Variants in EPS8L3 observed in about 807,000 individuals in gnomAD.
EPS8L3 encodes EPS8 signaling adaptor L3, also known as epidermal growth factor receptor kinase substrate 8-like protein 3.
Under a neutral mutation model 88.5 loss-of-function variants are expected in EPS8L3, and 80 were observed. The observed-to-expected ratio is 0.90, with a 90% CI of 0.75 to 1.09. The LOEUF is 1.09. Among genes scored for constraint, EPS8L3 ranks in the 50% least tolerant of loss-of-function variants. EPS8L3 has a pLI of 0.00. For missense variants in EPS8L3, 721 were observed against 735.2 expected, an observed-to-expected ratio of 0.98 and a Z score of 0.22; for synonymous variants, 286 against 291.0, an observed-to-expected ratio of 0.98 and a Z score of 0.18.
chr1:109,752,023 A>G lies in EPS8L3; in HGVS notation c.1406T>C (p.Leu469Pro). The G allele has an allele frequency of 6.2e-7, 1 of 1,611,984 alleles. No individual in the cohort carries two copies. Among genetic ancestry groups the G allele is most frequent in the South Asian group, 1.1e-5 (1 of 90,818 alleles). ...YEFEARNPRE[L>P]TVVQGEKLEV... ...CAGCTTCTCTCCCTGGACCACAGTC[A>G]GTTCCCGTGGGTTCCTAGCTTCAAA... The change falls in exon 15 of 19, where the codon CTG becomes CCG. Residue 469 changes from leucine (L) to proline (P), a missense_variant. Transcript: ENST00000361965.
Position 109,758,719 on chromosome 1 carries a change from C to T in EPS8L3, c.462-56G>A, listed in dbSNP as rs994539985. 8 of 1,514,962 alleles carry T rather than the reference C, an allele frequency of 5.3e-6. No individual in the cohort carries two copies. In the East Asian group the frequency reaches 1.6e-4, roughly 30 times the overall value. The allele number at this position is 1,514,962 out of a possible 1,614,324, so 93.8% of individuals were successfully genotyped here. The stretch of plus-strand genomic sequence containing the variant: ...TGACAAGGTTCTTTGGAGAGAGGCC[C>T]TCCCCACAATTCTGCTCCAGGACCC... On this transcript the variant is annotated intron_variant, in intron 6 of 18. Coordinates refer to ENST00000361965, the MANE Select transcript of EPS8L3 (RefSeq NM_133181.4).
chr1:109,758,260 C>T (rs1474179742), intron 8 of EPS8L3, 56 bp downstream of exon 8: 25 of 1,521,322 alleles, frequency 1.6e-5, no homozygotes, highest in Non-Finnish European at 2.3e-5. Context: ...GGGTTGGTGT[C>T]CTTCCTTTTC....
chr1:109,760,590 C>T (rs1310593802), intron 3 of EPS8L3, among the ~76,000 whole-genome samples: 2 of 151,936 alleles, frequency 1.3e-5, no homozygotes, highest in Admixed American at 1.3e-4. Flanking sequence ...CAAACTCCAT[C>T]CTCCTCTTGC....
chr1:109,762,581 C>T (rs1651094996), intron 1 of EPS8L3, among the ~76,000 whole-genome samples: 1 of 152,076 alleles, frequency 6.6e-6, no homozygotes, highest in South Asian at 2.1e-4. Flanking sequence ...GTGCTGAGCC[C>T]CTTACCAACA....
rs768206990 is a variant in EPS8L3 at position 109,757,970 on chromosome 1, A to T, written c.806T>A (p.Phe269Tyr). ...AQAKTSRKKK[F>Y]GKKNKDQGGL... Reference sequence around the variant, plus strand: ...TCCCTGGTCCTTGTTTTTTTTCCCAAATTTCTTCTTCCTGCTGGTCTTTGC... The same window carrying T: ...TCCCTGGTCCTTGTTTTTTTTCCCATATTTCTTCTTCCTGCTGGTCTTTGC... The change falls in exon 9 of 19, where the codon TTT (phenylalanine) becomes TAT (tyrosine). Residue 269 changes from phenylalanine to tyrosine, a missense_variant. By Grantham distance (22) the Phe-to-Tyr change is conservative. Coordinates refer to ENST00000361965, the MANE Select transcript of EPS8L3 (RefSeq NM_133181.4). 2.5e-6 allele frequency: 4 copies of T among 1,613,926 alleles called. No individual in the cohort carries two copies. Among genetic ancestry groups the T allele is most frequent in the Non-Finnish European group, 3.4e-6 (4 of 1,179,944 alleles).
Position 109,752,687 on chromosome 1 carries a change from G to A in EPS8L3, c.1234C>T (p.Arg412Trp), listed in dbSNP as rs765310409. The change falls in exon 14 of 19, where the codon CGG becomes TGG. Residue 412 changes from arginine (R) to tryptophan (W), a missense_variant and splice_region_variant. Physicochemically the swap from Arg to Trp is moderately radical, Grantham distance 101. Transcript: ENST00000361965. ...GTCCCTATTAAGCTCAGAGCATACC[G>A]AAGGGAAACAGGGTCCTGGTATCCT... ...PLGYQDPVSL[R>W]RGSHRLGSTS... The A allele has an allele frequency of 7.7e-6, 12 of 1,551,598 alleles. No individual in the cohort carries two copies. The highest frequency in any genetic ancestry group is 3.3e-4 in the Middle Eastern group (2 of 5,980).
At position 109,752,820 on chromosome 1, in the gene EPS8L3, A is replaced by G. The variant is rs1004442334; in HGVS notation, c.1201-100T>C. On this transcript the variant is annotated intron_variant, in intron 13 of 18. Coordinates refer to ENST00000361965, the MANE Select transcript of EPS8L3 (RefSeq NM_133181.4). ...CCACAGGCATAAGCAGCTCACACAC[A>G]GCTGCCTCCTATCCCCTTTCCTGCC... is the stretch of plus-strand genomic sequence containing the variant. The G allele has an allele frequency of 3.7e-6, 4 of 1,078,158 alleles. No individual in the cohort carries two copies. In the East Asian group the frequency reaches 7.7e-5, roughly 21 times the overall value. 66.8% of individuals were successfully genotyped at this position (1,078,158 alleles called of 1,614,324 possible). A position where few individuals can be genotyped will look rare whatever the true frequency, so the allele number is the denominator to read the frequency against.
At position 109,758,605 on chromosome 1, in the gene EPS8L3, T is replaced by G; in HGVS notation, c.520A>C (p.Arg174=). 1 of 1,612,908 alleles carries G rather than the reference T, an allele frequency of 6.2e-7. No individual in the cohort carries two copies. The highest frequency in any genetic ancestry group is 1.1e-5 in the South Asian group (1 of 90,906). ...QDRWRGPAME[R]PLPMEQARYL... ...CGTGCCTGCTCCATAGGGAGCGGCC[T>G]TTCCATAGCAGGCCCCCTCCATCTG... The change falls in exon 7 of 19, where the codon AGG becomes CGG. Residue 174 remains arginine (R), a synonymous_variant. Coordinates refer to ENST00000361965, the MANE Select transcript of EPS8L3 (RefSeq NM_133181.4).
At chr1:109,753,324 G>C in intron 12 of EPS8L3, 126 bp from the exon 13 acceptor site, 1 of 707,824 alleles carries the variant, frequency 1.4e-6, no homozygotes, top group South Asian at 1.9e-5. Flanking sequence ...AGGTGACATG[G>C]TCCATGTGCA....
At position 109,758,629 on chromosome 1, in the gene EPS8L3, T is replaced by C. The variant is rs1378886349; in HGVS notation, c.496A>G (p.Arg166Gly). 6.2e-7 allele frequency: 1 copy of C among 1,604,156 alleles called. No individual in the cohort carries two copies. Among genetic ancestry groups the C allele is most frequent in the Admixed American group, 1.7e-5 (1 of 57,648 alleles). The change falls in exon 7 of 19, where the codon AGA becomes GGA. Residue 166 changes from arginine (R) to glycine (G), a missense_variant. Coordinates refer to ENST00000361965, the MANE Select transcript of EPS8L3 (RefSeq NM_133181.4). ...RLGGLQPGQD[R>G]WRGPAMERPL... ...CTTTCCATAGCAGGCCCCCTCCATCTGTCCTGGCCTGGCTGAAGGCCTCCA... is the reference window on the plus strand; with the variant it reads ...CTTTCCATAGCAGGCCCCCTCCATCCGTCCTGGCCTGGCTGAAGGCCTCCA...
chr1:109,760,373 T>C (rs1477034888), intron 3 of EPS8L3, among the ~76,000 whole-genome samples: 1 of 151,044 alleles, frequency 6.6e-6, no homozygotes, highest in Non-Finnish European at 1.5e-5. Flanking sequence ...CATCCAGGAG[T>C]TTTTTGCTGT....
At position 109,759,167 on chromosome 1, in the gene EPS8L3, G is replaced by T; in HGVS notation, c.406-50C>A. On this transcript the variant is annotated intron_variant, in intron 5 of 18. Coordinates refer to ENST00000361965, the MANE Select transcript of EPS8L3 (RefSeq NM_133181.4). This position sits in a 1 kb window ranked among gnomAD's most constrained non-coding sequence, Gnocchi z 4.2. Reference sequence around the variant, plus strand: ...TAAGTGTGTGTGTGTGTGTGTGTGTGTGTGTGTGTGTGTGTGGTGGGGTGA... The same window carrying T: ...TAAGTGTGTGTGTGTGTGTGTGTGTTTGTGTGTGTGTGTGTGGTGGGGTGA... The T allele has an allele frequency of 1.9e-6, 3 of 1,606,876 alleles. No homozygotes were observed. Among genetic ancestry groups the T allele is most frequent in the Non-Finnish European group, 2.6e-6 (3 of 1,174,372 alleles).
intron 12 of EPS8L3, among the ~76,000 whole-genome samples, chr1:109,753,858 A>G (rs1482471552): frequency 6.6e-6 from 1 of 152,222 alleles, no homozygotes; most frequent in Non-Finnish European, 1.5e-5. Context: ...CTGGGGCAGA[A>G]GTAAATATTC....
chr1:109,757,685 C>T, intron 10 of EPS8L3, 117 bp downstream of exon 10: 2 of 1,401,052 alleles, frequency 1.4e-6, no homozygotes, highest in Non-Finnish European at 2.0e-6. Context: ...AGGGGAGGTT[C>T]TAGGGGGAGT....
chr1:109,751,822 C>T (rs1649821923), intron 15 of EPS8L3, 40 bp from the exon 16 acceptor site: 1 of 1,609,430 alleles, frequency 6.2e-7, no homozygotes, highest in Admixed American at 1.7e-5. Context: ...AGCCTCTTTC[C>T]AGCCAGCCTT....
At chr1:109,760,374 T>C (rs1440068533) in intron 3 of EPS8L3, among the ~76,000 whole-genome samples, 1 of 151,990 alleles carries the variant, frequency 6.6e-6, no homozygotes, top group Admixed American at 6.5e-5. Flanking sequence ...ATCCAGGAGT[T>C]TTTTGCTGTT....
intron 11 of EPS8L3, 115 bp downstream of exon 11, chr1:109,757,366 C>A: frequency 1.7e-6 from 2 of 1,176,530 alleles, no homozygotes; most frequent in Non-Finnish European, 1.2e-6. Context: ...CCCAGCTCAT[C>A]TGGTTCCACC....
intron 1 of EPS8L3, among the ~76,000 whole-genome samples, chr1:109,762,350 G>A (rs919365824): frequency 3.9e-5 from 6 of 152,028 alleles, no homozygotes; most frequent in Non-Finnish European, 5.9e-5. Context: ...TGTCTCCCTA[G>A]GCCTCCTGGC....
In EPS8L3 at chr1:109,759,714, C is replaced by T. The variant is rs907647318; in HGVS notation, c.219G>A (p.Arg73=). The change falls in exon 4 of 19, where the codon AGG becomes AGA. Residue 73 remains arginine (R), a synonymous_variant. Transcript: ENST00000361965. This position sits in a 1 kb window ranked among gnomAD's most constrained non-coding sequence, Gnocchi z 4.2. ...VWSQDLILQV[R]DGWLQLLDIE... is the part of the protein sequence containing the mutation. The stretch of plus-strand genomic sequence containing the variant: ...TGTCCAGCAGCTGCAGCCAGCCGTC[C>T]CTGACCTGCAGGATCAAGTCTTGGC... 6.2e-7 allele frequency: 1 copy of T among 1,613,896 alleles called. No homozygotes were observed. The highest frequency in any genetic ancestry group is 8.5e-7 in the Non-Finnish European group (1 of 1,180,016).
Sources: allele counts gnomAD v4.1 joint callset (sites outside exome capture counted in the v4.1 genomes callset), GRCh38; gene constraint gnomAD v4.1.1; non-coding constraint Gnocchi (gnomAD v3.1); transcripts MANE v1.5; gene names NCBI Gene and HGNC (gene_info 2026-07-23, HGNC 2026-07-21).